Variants in PLB1 observed in about 807,000 individuals in gnomAD.
PLB1 encodes phospholipase B1, membrane-associated.
In PLB1, 242 loss-of-function variants were observed where a neutral mutation model predicts 227.4. The observed-to-expected ratio is 1.06, with a 90% CI of 0.96 to 1.18. The LOEUF is 1.18. PLB1 is among the 50% of genes most tolerant of loss of function. The probability of loss-of-function intolerance (pLI) is 0.00; values close to 1 mark genes in which losing one functional copy is unlikely to be tolerated. For missense variants in PLB1, 1,858 were observed against 1,816.3 expected (o/e 1.02, Z -0.42); for synonymous variants, 757 against 682.2 (o/e 1.11, Z -1.71).
chr2:28,560,319 A>G (rs1008154733), intron 17 of PLB1, among the ~76,000 whole-genome samples: 1 of 152,152 alleles, frequency 6.6e-6, no homozygotes, highest in Non-Finnish European at 1.5e-5. Context: ...GGGGAGTGGG[A>G]GGTGAGCTTG....
chr2:28,564,268 T>C (rs1676509606), intron 18 of PLB1, among the ~76,000 whole-genome samples: 2 of 152,088 alleles, frequency 1.3e-5, no homozygotes, highest in Non-Finnish European at 2.9e-5. Flanking sequence ...TGAATGAAGC[T>C]GGGCAAGGTG....
intron 49 of PLB1, among the ~76,000 whole-genome samples, chr2:28,623,528 A>G (rs1025787793): frequency 6.6e-6 from 1 of 152,204 alleles, no homozygotes; most frequent in African/African-American, 2.4e-5. Flanking sequence ...ATACTCATCA[A>G]TAGCAATAAT....
rs529168002 is a variant in PLB1, at chr2:28,558,723, A to G, written c.1148-4318A>G. Reference sequence around the variant, plus strand: ...TGTGTGTATGTGTGTGTGTGTGTGTAAGGGTGGATTCAAGGCATGGCGGTG... The same window carrying G: ...TGTGTGTATGTGTGTGTGTGTGTGTGAGGGTGGATTCAAGGCATGGCGGTG... On this transcript the variant is annotated intron_variant, in intron 17 of 57. Coordinates refer to ENST00000327757, the MANE Select transcript of PLB1 (RefSeq NM_153021.5). Among the ~76,000 whole-genome samples, 401 of 149,252 alleles carry G rather than the reference A, an allele frequency of 2.7e-3. 2 individuals are homozygous for G. The Middle Eastern group carries it at 0.035, about 13-fold the overall frequency.
At position 28,565,310 on chromosome 2, in the gene PLB1, AACGTCTTGG is replaced by A. The variant is rs774204151; in HGVS notation, c.1246_1254del (p.Asp416_Leu418del). The A allele has an allele frequency of 1.2e-6, 2 of 1,612,144 alleles. No homozygotes were observed. Among genetic ancestry groups the A allele is most frequent in the South Asian group, 1.1e-5 (1 of 90,238 alleles). On this transcript the variant is annotated inframe_deletion, in exon 19 of 58. Coordinates refer to ENST00000327757, the MANE Select transcript of PLB1 (RefSeq NM_153021.5). ...CAATGGGGCCGGGTCCACACCTGGGAACGTCTTGGACGTCTTGACTCAGTACCGAGGCCT... is the reference window on the plus strand; with the variant it reads ...CAATGGGGCCGGGTCCACACCTGGGAACGTCTTGACTCAGTACCGAGGCCT...
In PLB1 at chr2:28,532,976, T is replaced by TA. The variant is rs1441628110; in HGVS notation, c.555+785dup. On this transcript the variant is annotated intron_variant, in intron 9 of 57. Coordinates refer to ENST00000327757, the MANE Select transcript of PLB1 (RefSeq NM_153021.5). ...TTTAGAAATCTAAGCCATGGTGAAATAAATGGCACCTGGACTCTTCTTCAG... is the reference window on the plus strand; with the variant it reads ...TTTAGAAATCTAAGCCATGGTGAAATAAAATGGCACCTGGACTCTTCTTCAG... Among the ~76,000 whole-genome samples the TA allele has an allele frequency of 2.0e-5, 3 of 152,096 alleles. No homozygotes were observed. The East Asian group carries it at 5.8e-4, about 29-fold the overall frequency.
chr2:28,605,934 C>CT lies in PLB1; in HGVS notation c.3046dup (p.Trp1016LeufsTer6), dbSNP rs774630084. 1.1e-5 allele frequency: 18 copies of CT among 1,610,924 alleles called. No homozygotes were observed. The East Asian group carries it at 4.0e-4, about 36-fold the overall frequency. The stretch of plus-strand genomic sequence containing the variant: ...ATTCCACTCCCAGCTGGCCAGAGCC[C>CT]TTTGGACCAATATGGTAAAATAAGT... On this transcript the variant is annotated frameshift_variant, in exon 42 of 58. Coordinates refer to ENST00000327757, the MANE Select transcript of PLB1 (RefSeq NM_153021.5). LOFTEE classifies it high-confidence loss of function.
At chr2:28,584,582 A>G (rs1680596874) in intron 25 of PLB1, among the ~76,000 whole-genome samples, 1 of 152,226 alleles carries the variant, frequency 6.6e-6, no homozygotes, top group South Asian at 2.1e-4. Context: ...GGCATTTGCC[A>G]GGCCCATTCA....
intron 56 of PLB1, among the ~76,000 whole-genome samples, chr2:28,640,335 C>A (rs1406348582): frequency 6.6e-6 from 1 of 152,078 alleles, no homozygotes; most frequent in East Asian, 1.9e-4. Context: ...GTCCTGGGAT[C>A]AAAGGTATTT....
Position 28,585,841 on chromosome 2 carries a change from A to G in PLB1, c.1814A>G (p.Gln605Arg). 1 of 1,601,482 alleles carries G rather than the reference A, an allele frequency of 6.2e-7. No individual in the cohort carries two copies. Among genetic ancestry groups the G allele is most frequent in the Non-Finnish European group, 8.6e-7 (1 of 1,168,542 alleles). ...CTCATCGAATTCAACAAGAAGTTTC[A>G]GGTAAGCCGGGAAGGGGTTCTAAGA... ...ATLIEFNKKF[Q>R]EKTHQLIESG... Residue 605 changes from glutamine (Q) to arginine (R), a missense_variant and splice_region_variant, in exon 26 of 58, where the codon CAG (glutamine) becomes CGG (arginine). Gln to Arg is a conservative substitution (Grantham distance 43, BLOSUM62 1). Coordinates refer to ENST00000327757, the MANE Select transcript of PLB1 (RefSeq NM_153021.5).
chr2:28,498,756 G>A (rs1437120203), intron 1 of PLB1, among the ~76,000 whole-genome samples: 2 of 152,134 alleles, frequency 1.3e-5, no homozygotes, highest in Non-Finnish European at 2.9e-5. Context: ...TCTTAATTCT[G>A]TAGCTTTATA....
chr2:28,630,394 G>A (rs113456145), intron 53 of PLB1, among the ~76,000 whole-genome samples, 192 bp from the exon 54 acceptor site: 107 of 152,300 alleles, frequency 7.0e-4, no homozygotes, highest in African/African-American at 2.6e-3. Flanking sequence ...TTAGCATTCT[G>A]TAACCTGGGT....
chr2:28,500,897 A>G (rs1278309824), intron 1 of PLB1, among the ~76,000 whole-genome samples: 1 of 152,204 alleles, frequency 6.6e-6, no homozygotes, highest in Non-Finnish European at 1.5e-5. Flanking sequence ...CTGTGGCCCT[A>G]TCAATTTTTA....
chr2:28,576,701 A>G (rs917660084), intron 21 of PLB1, among the ~76,000 whole-genome samples: 1 of 152,124 alleles, frequency 6.6e-6, no homozygotes, highest in African/African-American at 2.4e-5. Context: ...TTGCACTACA[A>G]CCTGGGCGAT....
chr2:28,500,843 A>T (rs1667014448), intron 1 of PLB1, among the ~76,000 whole-genome samples: 1 of 152,186 alleles, frequency 6.6e-6, no homozygotes, highest in South Asian at 2.1e-4. Context: ...TTGATGCCAA[A>T]GTTATTACAG....
At chr2:28,636,634 A>G (rs968398015) in intron 56 of PLB1, among the ~76,000 whole-genome samples, 2 of 152,216 alleles carry the variant, frequency 1.3e-5, no homozygotes, top group Non-Finnish European at 2.9e-5. Context: ...ATACTAAGGA[A>G]TACCATACAG....
At chr2:28,502,955 G>GT (rs913769028) in intron 1 of PLB1, among the ~76,000 whole-genome samples, 32 of 151,310 alleles carry the variant, frequency 2.1e-4, no homozygotes, top group African/African-American at 5.1e-4. Context: ...ACTTTGGAAA[G>GT]TTTTTTTTTC....
chr2:28,617,190 C>G (rs909577851), intron 44 of PLB1, among the ~76,000 whole-genome samples: 2 of 152,196 alleles, frequency 1.3e-5, no homozygotes, highest in African/African-American at 4.8e-5. Context: ...TGCAAAAAGA[C>G]ATACAGGTAT....
chr2:28,607,255 A>G (rs1684814912), intron 43 of PLB1, among the ~76,000 whole-genome samples: 1 of 152,198 alleles, frequency 6.6e-6, no homozygotes, highest in South Asian at 2.1e-4. Context: ...AACCCTCAGC[A>G]GCAATAAAAG....
chr2:28,578,183 G>A (rs1215034013), intron 22 of PLB1, 25 bp downstream of exon 22: 14 of 1,611,362 alleles, frequency 8.7e-6, no homozygotes, highest in Non-Finnish European at 1.1e-5. Flanking sequence ...TGGGAAGTAG[G>A]CAGGAAAAAT....
Sources: gnomAD v4.1 joint callset for allele counts (sites outside exome capture counted in the v4.1 genomes callset) on GRCh38, gnomAD v4.1.1 for gene constraint, MANE v1.5 for transcripts, NCBI Gene and HGNC (gene_info 2026-07-23, HGNC 2026-07-21) for gene names.